Variants in GPC6 observed in about 807,000 individuals in gnomAD.
GPC6 encodes glypican 6.
Under a neutral mutation model 55.2 loss-of-function variants are expected in GPC6, and 14 were observed. That is an observed-to-expected ratio of 0.25 (90% confidence interval 0.17 to 0.40). GPC6 has a LOEUF of 0.40. GPC6 is among the 10% of genes least tolerant of loss of function. GPC6 has a pLI of 1.00. For missense variants in GPC6, 641 were observed against 708.5 expected (o/e 0.90, Z 1.08); for synonymous variants, 278 against 259.6 (o/e 1.07, Z -0.68).
chr13:93,331,734 T>C (rs974672271), intron 1 of GPC6, among the ~76,000 whole-genome samples: 1 of 152,166 alleles, frequency 6.6e-6, no homozygotes, highest in African/African-American at 2.4e-5. Flanking sequence ...CAGTTTACCC[T>C]GCTGCTTCAA....
intron 4 of GPC6, among the ~76,000 whole-genome samples, chr13:94,177,908 C>G (rs1036297073): frequency 6.6e-6 from 1 of 151,914 alleles, no homozygotes; most frequent in African/African-American, 2.4e-5. Context: ...TAAAAAAATA[C>G]TTTTTATATT....
chr13:93,559,244 A>G (rs1875633035), intron 2 of GPC6, among the ~76,000 whole-genome samples: 2 of 152,140 alleles, frequency 1.3e-5, no homozygotes. Flanking sequence ...TCTTTCTAAA[A>G]TTTTCTCATG....
At chr13:94,147,749 C>G (rs939645806) in intron 4 of GPC6, among the ~76,000 whole-genome samples, 5 of 152,106 alleles carry the variant, frequency 3.3e-5, no homozygotes, top group African/African-American at 1.2e-4. Flanking sequence ...ATAGACAACA[C>G]TACATTAAAG....
intron 4 of GPC6, among the ~76,000 whole-genome samples, chr13:94,274,575 G>A (rs1051402087): frequency 6.6e-6 from 1 of 152,048 alleles, no homozygotes; most frequent in African/African-American, 2.4e-5. Context: ...ATACAGGGTT[G>A]GCAGAATGAG....
intron 2 of GPC6, among the ~76,000 whole-genome samples, chr13:93,673,692 A>G (rs1396260247): frequency 6.6e-6 from 1 of 152,164 alleles, no homozygotes; most frequent in Non-Finnish European, 1.5e-5. Context: ...TTAAAATTCA[A>G]CCACAATGGT....
At chr13:93,240,203 G>T (rs1319257442) in intron 1 of GPC6, among the ~76,000 whole-genome samples, 1 of 151,956 alleles carries the variant, frequency 6.6e-6, no homozygotes, top group Non-Finnish European at 1.5e-5. Context: ...CTGCCTCAAT[G>T]ATCTAGCTAG....
chr13:93,991,271 T>C (rs1211581124), intron 3 of GPC6, among the ~76,000 whole-genome samples: 3 of 152,186 alleles, frequency 2.0e-5, no homozygotes, highest in Non-Finnish European at 2.9e-5. Flanking sequence ...ATTTAAGAAA[T>C]ATTGCTTAGG....
chr13:93,435,448 T>C (rs1179583516), intron 1 of GPC6, among the ~76,000 whole-genome samples: 1 of 151,108 alleles, frequency 6.6e-6, no homozygotes, highest in East Asian at 1.9e-4. Flanking sequence ...TCTTCATATG[T>C]CACTTTACCA....
At chr13:93,653,397 G>C (rs1880508460) in intron 2 of GPC6, among the ~76,000 whole-genome samples, 1 of 152,208 alleles carries the variant, frequency 6.6e-6, no homozygotes, top group East Asian at 1.9e-4. Context: ...ACACCAGAAA[G>C]ATAATTGAAC....
chr13:93,273,293 T>C (rs758409227), intron 1 of GPC6, among the ~76,000 whole-genome samples: 1 of 152,238 alleles, frequency 6.6e-6, no homozygotes, highest in Non-Finnish European at 1.5e-5. Context: ...AATCCATTAG[T>C]ATTATTTCAG....
intron 4 of GPC6, among the ~76,000 whole-genome samples, chr13:94,160,142 T>C (rs61964462): frequency 0.2 from 30,194 of 152,188 alleles, 3,216 homozygotes; most frequent in South Asian, 0.29. Flanking sequence ...CACATTCACA[T>C]AACTTTTATT....
At chr13:93,241,721 T>C (rs1018650686) in intron 1 of GPC6, among the ~76,000 whole-genome samples, 2 of 152,196 alleles carry the variant, frequency 1.3e-5, no homozygotes, top group African/African-American at 4.8e-5. Flanking sequence ...TTTGAGGGCA[T>C]TGCAAAACTC....
intron 2 of GPC6, among the ~76,000 whole-genome samples, chr13:93,566,560 A>G (rs569145185): frequency 6.7e-6 from 1 of 148,920 alleles, no homozygotes; most frequent in South Asian, 2.1e-4. Flanking sequence ...TTTTTTTATG[A>G]CTTTTTTTTC....
At chr13:93,641,804 A>G (rs938655956) in intron 2 of GPC6, among the ~76,000 whole-genome samples, 4 of 152,080 alleles carry the variant, frequency 2.6e-5, no homozygotes, top group Admixed American at 2.6e-4. Context: ...CTTGAAAAGC[A>G]TATCAAGATA....
At chr13:93,794,125 C>G (rs1417777399) in intron 2 of GPC6, among the ~76,000 whole-genome samples, 1 of 152,182 alleles carries the variant, frequency 6.6e-6, no homozygotes. Flanking sequence ...TCTCTCACCT[C>G]CTTTCCACAT....
At chr13:93,520,903 C>T (rs767803201) in intron 1 of GPC6, among the ~76,000 whole-genome samples, 4 of 151,862 alleles carry the variant, frequency 2.6e-5, no homozygotes, top group Non-Finnish European at 4.4e-5. Flanking sequence ...CACCTTTTTA[C>T]TTCTGTCTCG....
chr13:93,785,232 A>G (rs955855210), intron 2 of GPC6, among the ~76,000 whole-genome samples: 1 of 152,182 alleles, frequency 6.6e-6, no homozygotes, highest in African/African-American at 2.4e-5. Flanking sequence ...GATTATCCAG[A>G]CATGAGAGAT....
intron 2 of GPC6, among the ~76,000 whole-genome samples, chr13:93,797,883 T>C (rs1404562899): frequency 6.6e-6 from 1 of 152,180 alleles, no homozygotes; most frequent in East Asian, 1.9e-4. Flanking sequence ...TCCAGTGGGT[T>C]TTAACAAAGG....
At chr13:94,355,364 A>G (rs1281327695) in intron 6 of GPC6, among the ~76,000 whole-genome samples, 1 of 152,062 alleles carries the variant, frequency 6.6e-6, no homozygotes, top group South Asian at 2.1e-4. Context: ...CCAGGGTTGC[A>G]CCATGTTCCA....
Sources: gnomAD v4.1 joint callset for allele counts (sites outside exome capture counted in the v4.1 genomes callset) on GRCh38, gnomAD v4.1.1 for gene constraint, MANE v1.5 for transcripts, NCBI Gene and HGNC (gene_info 2026-07-23, HGNC 2026-07-21) for gene names.